HS6ST3: variants seen among roughly 807,000 people sequenced by gnomAD.
HS6ST3 encodes the protein heparan sulfate 6-O-sulfotransferase 3.
A neutral mutation model predicts 36.7 loss-of-function variants in HS6ST3; 12 were observed. That is an observed-to-expected ratio of 0.33 (90% CI 0.21 to 0.53). The LOEUF is 0.53. HS6ST3 is among the 20% of genes least tolerant of loss of function. The pLI, the probability that HS6ST3 is intolerant of heterozygous loss-of-function variation, is 0.95. For missense variants in HS6ST3, 584 were observed against 640.9 expected, an observed-to-expected ratio of 0.91 and a Z score of 0.96; for synonymous variants, 240 against 257.5, an observed-to-expected ratio of 0.93 and a Z score of 0.65.
intron 1 of HS6ST3, among the ~76,000 whole-genome samples, chr13:96,552,240 G>A (rs1026543650): frequency 5.9e-5 from 9 of 152,130 alleles, no homozygotes; most frequent in South Asian, 2.1e-4. Flanking sequence ...TCTTAAACAC[G>A]TTTTACTTTT....
At chr13:96,604,854 T>G (rs571186471) in intron 1 of HS6ST3, among the ~76,000 whole-genome samples, 1 of 152,312 alleles carries the variant, frequency 6.6e-6, no homozygotes, top group South Asian at 2.1e-4. Flanking sequence ...TTGGACCATT[T>G]AAGGTTCACG....
Position 96,837,499 on chromosome 13 carries a change from A to T in HS6ST3, c.*4301A>T, listed in dbSNP as rs1389941913. The T allele has an allele frequency of 3.9e-5, 6 of 152,204 alleles. No individual in the cohort carries two copies. Among genetic ancestry groups the T allele is most frequent in the Non-Finnish European group, 7.3e-5 (5 of 68,040 alleles). 9.4% of individuals were successfully genotyped at this position (152,204 alleles called of 1,614,324 possible). ...ACTTCATAGTCTTTCCGACTACTTT[A>T]TGCAGCTCAGCATCAGTACTGGGAT... is the stretch of plus-strand genomic sequence containing the variant. On this transcript the variant is annotated 3_prime_UTR_variant, in exon 2 of 2. Coordinates refer to ENST00000376705, the MANE Select transcript of HS6ST3 (RefSeq NM_153456.4).
intron 1 of HS6ST3, among the ~76,000 whole-genome samples, chr13:96,506,100 A>C (rs1258574090): frequency 6.6e-6 from 1 of 152,246 alleles, no homozygotes; most frequent in Non-Finnish European, 1.5e-5. Flanking sequence ...GACCTAAATA[A>C]TGCAGGGATT....
intron 1 of HS6ST3, among the ~76,000 whole-genome samples, chr13:96,282,086 A>T (rs1162885893): frequency 6.6e-6 from 1 of 152,162 alleles, no homozygotes; most frequent in Non-Finnish European, 1.5e-5. Context: ...ACTATTCTAA[A>T]CTTTTCAAAA....
intron 1 of HS6ST3, among the ~76,000 whole-genome samples, chr13:96,595,189 G>C (rs111463035): frequency 2.0e-5 from 3 of 152,212 alleles, no homozygotes; most frequent in African/African-American, 7.2e-5. Context: ...GAAACTACAG[G>C]CGTGCACCAC....
rs1237730138 is a variant in HS6ST3 at position 96,731,298 on chromosome 13, A to T, written c.708-101192A>T. Among the ~76,000 whole-genome samples the T allele has an allele frequency of 2.0e-5, 3 of 152,302 alleles. No homozygotes were observed. The East Asian group carries it at 5.8e-4, about 29-fold the overall frequency. ...ACCATTCAACTATTTCCATGAGATC[A>T]ACTTTTTCATATTCCATATAAATGA... On this transcript the variant is annotated intron_variant, in intron 1 of 1. Coordinates refer to ENST00000376705, the MANE Select transcript of HS6ST3 (RefSeq NM_153456.4).
At chr13:96,814,604 G>A (rs1343278495) in intron 1 of HS6ST3, among the ~76,000 whole-genome samples, 2 of 151,628 alleles carry the variant, frequency 1.3e-5, no homozygotes, top group Non-Finnish European at 2.9e-5. Context: ...TTTTGGTTTC[G>A]TTTCTCTTTG....
At chr13:96,487,593 C>G (rs985328558) in intron 1 of HS6ST3, among the ~76,000 whole-genome samples, 1 of 151,966 alleles carries the variant, frequency 6.6e-6, no homozygotes, top group Non-Finnish European at 1.5e-5. Flanking sequence ...CCAGTTTTAC[C>G]CATTTATATT....
intron 1 of HS6ST3, among the ~76,000 whole-genome samples, chr13:96,728,013 A>T (rs1173142445): frequency 1.4e-4 from 21 of 152,172 alleles, no homozygotes; most frequent in Admixed American, 1.4e-3. Context: ...GGTTAGGCTG[A>T]TTGTAATTCT....
chr13:96,179,678 A>G (rs1351475602), intron 1 of HS6ST3, among the ~76,000 whole-genome samples: 1 of 152,170 alleles, frequency 6.6e-6, no homozygotes, highest in Non-Finnish European at 1.5e-5. Flanking sequence ...GTTACTTAGC[A>G]TCTCTAAAAC....
chr13:96,626,070 G>A (rs906422620), intron 1 of HS6ST3, among the ~76,000 whole-genome samples: 1 of 151,528 alleles, frequency 6.6e-6, no homozygotes, highest in African/African-American at 2.4e-5. Context: ...TCTCGATCTC[G>A]TGACCTCGTG....
Position 96,337,318 on chromosome 13 carries a change from G to A in HS6ST3, c.707+245749G>A, listed in dbSNP as rs113184339. Among the ~76,000 whole-genome samples the A allele has an allele frequency of 6.0e-3, 914 of 152,204 alleles. 6 individuals carry two copies. The highest frequency in any genetic ancestry group is 0.021 in the African/African-American group (861 of 41,500). On this transcript the variant is annotated intron_variant, in intron 1 of 1. Transcript: ENST00000376705. ...TCTTGATCTCCTGACCTCGTGATCC[G>A]CCTGTCTCGGCCTCCCAAAGTCCTG...
chr13:96,342,276 A>G (rs1342809843), intron 1 of HS6ST3, among the ~76,000 whole-genome samples: 1 of 152,160 alleles, frequency 6.6e-6, no homozygotes, highest in Non-Finnish European at 1.5e-5. Flanking sequence ...GTTTCTTTGC[A>G]TATCATTTGT....
rs1478634551 is a variant in HS6ST3, at chr13:96,404,505, T to C, written c.707+312936T>C. On this transcript the variant is annotated intron_variant, in intron 1 of 1. Transcript: ENST00000376705. ...ACCTTTTGTTGCAGACTCTCACCTG[T>C]CATTGTGATGAAGGATTAGGGAAAA... 2.6e-5 allele frequency among the ~76,000 whole-genome samples: 4 copies of C among 152,124 alleles called. No individual in the cohort carries two copies. The South Asian group carries it at 8.3e-4, about 32-fold the overall frequency.
chr13:96,799,636 TGGAG>T (rs1877994046), intron 1 of HS6ST3, among the ~76,000 whole-genome samples: 1 of 75,230 alleles, frequency 1.3e-5, no homozygotes, highest in African/African-American at 5.6e-5. Context: ...TGTTGTGGGG[TGGAG>T]GGAGGGGGGA....
At chr13:96,240,710 T>C (rs1376444913) in intron 1 of HS6ST3, among the ~76,000 whole-genome samples, 2 of 152,206 alleles carry the variant, frequency 1.3e-5, no homozygotes, top group African/African-American at 4.8e-5. Context: ...CCATGAGCCA[T>C]GATAAAGGAA....
chr13:96,254,484 T>A (rs1174424419), intron 1 of HS6ST3, among the ~76,000 whole-genome samples: 1 of 18,598 alleles, frequency 5.4e-5, no homozygotes, highest in Non-Finnish European at 9.6e-5. Flanking sequence ...TATATATATA[T>A]ATATATATAT....
At chr13:96,229,353 A>G (rs989204642) in intron 1 of HS6ST3, among the ~76,000 whole-genome samples, 3 of 152,160 alleles carry the variant, frequency 2.0e-5, no homozygotes, top group African/African-American at 7.2e-5. Context: ...CTGCTATAAT[A>G]AAATACCATA....
chr13:96,300,008 C>T (rs1026394188), intron 1 of HS6ST3, among the ~76,000 whole-genome samples: 4 of 144,404 alleles, frequency 2.8e-5, no homozygotes, highest in South Asian at 4.5e-4. Context: ...CATGTCTTCA[C>T]ATGGCAGCAG....
Sources: gnomAD v4.1 joint callset for allele counts (sites outside exome capture counted in the v4.1 genomes callset) on GRCh38, gnomAD v4.1.1 for gene constraint, MANE v1.5 for transcripts, NCBI Gene and HGNC (gene_info 2026-07-23, HGNC 2026-07-21) for gene names.